The following IPO7 variants were observed in gnomAD, a reference collection of about 807,000 sequenced individuals.
The protein encoded by IPO7 is importin 7, also known as importin-7.
Under a neutral mutation model 136.4 loss-of-function variants are expected in IPO7, and 13 were observed. That is an observed-to-expected ratio of 0.10 (90% CI 0.06 to 0.15). The LOEUF (loss-of-function observed/expected upper bound fraction) is 0.15, where lower values mean the gene tolerates loss of function less well. IPO7 is among the 10% of genes least tolerant of loss of function. The pLI is 1.00. For missense variants in IPO7, 857 were observed against 1,240.6 expected (o/e 0.69, Z 4.65); for synonymous variants, 403 against 404.4 (o/e 1.00, Z 0.04).
intron 19 of IPO7, among the ~76,000 whole-genome samples, chr11:9,435,839 GT>G (rs933273798): frequency 2.6e-5 from 4 of 151,968 alleles, no homozygotes; most frequent in Non-Finnish European, 5.9e-5. Context: ...TCCCCTACTG[GT>G]TTTTTGTGTT....
At chr11:9,429,338 CAA>C (rs770672227) in intron 14 of IPO7, 142 bp downstream of exon 14, 3 of 698,170 alleles carry the variant, frequency 4.3e-6, no homozygotes, top group Non-Finnish European at 4.7e-6. Flanking sequence ...AACATCTCTA[CAA>C]AAAAAATTTT....
chr11:9,428,993 T>C, intron 13 of IPO7, 38 bp from the exon 14 acceptor site: 1 of 1,573,580 alleles, frequency 6.4e-7, no homozygotes. Flanking sequence ...GAATTTAAGG[T>C]AAGGTATCTA....
chr11:9,440,052 AT>A (rs1855441017), intron 22 of IPO7, among the ~76,000 whole-genome samples: 2 of 152,352 alleles, frequency 1.3e-5, no homozygotes, highest in South Asian at 4.1e-4. Flanking sequence ...ACTGTACACT[AT>A]CAGTGTATAA....
At chr11:9,420,989 T>G (rs953784525) in intron 8 of IPO7, among the ~76,000 whole-genome samples, 4 of 152,140 alleles carry the variant, frequency 2.6e-5, no homozygotes, top group African/African-American at 9.7e-5. Context: ...AATTTTTTTT[T>G]CTCTTGTTGC....
At chr11:9,442,838 C>A (rs746201437) in intron 24 of IPO7, among the ~76,000 whole-genome samples, 6 of 152,004 alleles carry the variant, frequency 3.9e-5, no homozygotes, top group Non-Finnish European at 4.4e-5. Flanking sequence ...GCCTGGGCAA[C>A]ATGACCAAAC....
At chr11:9,432,053 T>C (rs564418571) in intron 16 of IPO7, among the ~76,000 whole-genome samples, 21 of 152,252 alleles carry the variant, frequency 1.4e-4, no homozygotes, top group Non-Finnish European at 2.8e-4. Context: ...CCTAACCCCT[T>C]TTCCCTACTT....
intron 2 of IPO7, among the ~76,000 whole-genome samples, chr11:9,406,124 T>TC (rs1854883348): frequency 7.1e-6 from 1 of 141,794 alleles, no homozygotes; most frequent in Admixed American, 7.1e-5. Flanking sequence ...TTTTTTTTTT[T>TC]TTTTTTTTAG....
At position 9,385,812 on chromosome 11, in the gene IPO7, A is replaced by G. The variant is rs977238002; in HGVS notation, c.84+965A>G. On this transcript the variant is annotated intron_variant, in intron 1 of 24. Transcript: ENST00000379719. ...TATTTATTGTACTATCTCCAGTGTC[A>G]TTCTTTGTTTCTAAACTTTTGCATT... 2.6e-5 allele frequency among the ~76,000 whole-genome samples: 4 copies of G among 152,154 alleles called. No homozygotes were observed. In the East Asian group the frequency reaches 7.7e-4, roughly 29 times the overall value.
In IPO7 at chr11:9,416,955, T is replaced by C. The variant is rs970197292; in HGVS notation, c.637-104T>C. ...TTGCCTATGTACTAAAAGCAGGAAATGTGGATTGAATGAAATACTTTTGGT... is the reference window on the plus strand; with the variant it reads ...TTGCCTATGTACTAAAAGCAGGAAACGTGGATTGAATGAAATACTTTTGGT... On this transcript the variant is annotated intron_variant, in intron 5 of 24. Transcript: ENST00000379719. 5.6e-6 allele frequency: 3 copies of C among 532,608 alleles called. No individual in the cohort carries two copies. In the African/African-American group the frequency reaches 5.8e-5, roughly 10 times the overall value. The allele number at this position is 532,608 out of a possible 1,614,324, so 33.0% of individuals were successfully genotyped here.
At chr11:9,423,380 G>A (rs1430530200) in intron 9 of IPO7, among the ~76,000 whole-genome samples, 1 of 152,178 alleles carries the variant, frequency 6.6e-6, no homozygotes, top group Non-Finnish European at 1.5e-5. Flanking sequence ...TGCAATTTAA[G>A]TTCTTAATAT....
intron 4 of IPO7, among the ~76,000 whole-genome samples, chr11:9,412,112 A>G (rs1272877131): frequency 2.6e-5 from 4 of 152,218 alleles, no homozygotes; most frequent in African/African-American, 7.2e-5. Context: ...ACCTTTTAAA[A>G]TGTATGCTAG....
At chr11:9,440,700 C>T (rs1394088258) in intron 23 of IPO7, 39 bp downstream of exon 23, 2 of 1,430,248 alleles carry the variant, frequency 1.4e-6, no homozygotes, top group East Asian at 2.3e-5. Context: ...TTTCATTGAA[C>T]AAATCTGTTG....
intron 22 of IPO7, 105 bp from the exon 23 acceptor site, chr11:9,440,350 T>G: frequency 1.1e-6 from 1 of 881,780 alleles, no homozygotes; most frequent in Non-Finnish European, 1.8e-6. Flanking sequence ...CTCTCTCTTG[T>G]CACTTGTGAC....
intron 4 of IPO7, among the ~76,000 whole-genome samples, chr11:9,413,998 A>G (rs923882602): frequency 3.3e-5 from 5 of 151,814 alleles, no homozygotes; most frequent in Admixed American, 6.6e-5. Flanking sequence ...AGTTTCCTCA[A>G]CTACAAAAGT....
At chr11:9,435,208 T>C (rs1855353113) in intron 19 of IPO7, among the ~76,000 whole-genome samples, 177 bp downstream of exon 19, 1 of 152,220 alleles carries the variant, frequency 6.6e-6, no homozygotes, top group South Asian at 2.1e-4. Flanking sequence ...TTGATAAATA[T>C]ATGTCTTTTG....
At chr11:9,423,316 G>T (rs1304033971) in intron 9 of IPO7, among the ~76,000 whole-genome samples, 176 bp downstream of exon 9, 1 of 152,094 alleles carries the variant, frequency 6.6e-6, no homozygotes, top group Non-Finnish European at 1.5e-5. Context: ...GTTATGAGAG[G>T]TATCTTGTGA....
intron 20 of IPO7, among the ~76,000 whole-genome samples, chr11:9,436,932 C>A (rs1855385208): frequency 8.2e-6 from 1 of 122,008 alleles, no homozygotes; most frequent in Non-Finnish European, 1.6e-5. Flanking sequence ...GTCGCCTAGG[C>A]TGGAGTGCAG....
intron 4 of IPO7, among the ~76,000 whole-genome samples, chr11:9,413,439 T>C (rs999582476): frequency 6.6e-6 from 1 of 152,146 alleles, no homozygotes. Context: ...TCAGTTTTAT[T>C]TATCAGCTGC....
intron 5 of IPO7, 175 bp downstream of exon 5, chr11:9,414,586 T>A (rs887297536): frequency 7.6e-5 from 22 of 287,824 alleles, no homozygotes; most frequent in Non-Finnish European, 1.3e-4. Flanking sequence ...CAAGCATACT[T>A]CCTCCCCAAA....
Sources: allele counts gnomAD v4.1 joint callset (sites outside exome capture counted in the v4.1 genomes callset), GRCh38; gene constraint gnomAD v4.1.1; transcripts MANE v1.5; gene names NCBI Gene and HGNC (gene_info 2026-07-23, HGNC 2026-07-21).